The following PGBD5 variants were observed in gnomAD, a reference collection of about 807,000 sequenced individuals.
PGBD5 encodes piggyBac transposable element derived 5.
Under a neutral mutation model 47.9 loss-of-function variants are expected in PGBD5, and 14 were observed. The ratio of observed to expected loss-of-function variants is 0.29; its 90% confidence interval spans 0.19 to 0.46. PGBD5 has a LOEUF of 0.46. Ranked by LOEUF, PGBD5 falls within the 20% of genes least tolerant of loss-of-function variation. PGBD5 has a pLI of 1.00. For synonymous variants in PGBD5, 316 were observed against 306.3 expected (o/e 1.03, Z -0.33); for missense variants, 635 against 716.0 (o/e 0.89, Z 1.29).
At chr1:230,418,739 G>A (rs1003576572) in intron 1 of PGBD5, among the ~76,000 whole-genome samples, 4 of 152,126 alleles carry the variant, frequency 2.6e-5, no homozygotes, top group South Asian at 2.1e-4. Context: ...ATTCTCCCAC[G>A]TCAGCTCCCA....
chr1:230,349,371 G>T (rs781162318), intron 3 of PGBD5, among the ~76,000 whole-genome samples: 2 of 151,878 alleles, frequency 1.3e-5, no homozygotes, highest in Admixed American at 6.6e-5. Context: ...CTACCAAAAT[G>T]AAAATAAAAA....
At chr1:230,397,429 C>T (rs1477698369) in intron 1 of PGBD5, among the ~76,000 whole-genome samples, 1 of 152,194 alleles carries the variant, frequency 6.6e-6, no homozygotes, top group Non-Finnish European at 1.5e-5. Flanking sequence ...TCAAGATTTG[C>T]TCGTTTCCTT....
Position 230,323,114 on chromosome 1 carries a change from G to C in PGBD5, c.*311C>G. Reference sequence around the variant, plus strand: ...TCTACCACGGGGGCCTTCCTTCACAGTCACCAGTCCACGCTGCCTCGCAAG... The same window carrying C: ...TCTACCACGGGGGCCTTCCTTCACACTCACCAGTCCACGCTGCCTCGCAAG... On this transcript the variant is annotated 3_prime_UTR_variant, in exon 7 of 7. Transcript: ENST00000391860. This position sits in a 1 kb window ranked among gnomAD's most constrained non-coding sequence, Gnocchi z 4.1. 3.1e-6 allele frequency: 1 copy of C among 326,126 alleles called. No individual in the cohort carries two copies. The highest frequency in any genetic ancestry group is 5.3e-5 in the South Asian group (1 of 18,724). The allele number at this position is 326,126 out of a possible 1,614,324, so 20.2% of individuals were successfully genotyped here.
intron 1 of PGBD5, among the ~76,000 whole-genome samples, chr1:230,423,916 T>TG (rs1657715041): frequency 6.6e-6 from 1 of 152,220 alleles, no homozygotes; most frequent in African/African-American, 2.4e-5. Flanking sequence ...CTGCGGTGGC[T>TG]GGATTAAATG....
chr1:230,405,983 TA>T (rs1408244266), intron 1 of PGBD5, among the ~76,000 whole-genome samples: 2 of 152,208 alleles, frequency 1.3e-5, no homozygotes, highest in African/African-American at 4.8e-5. Context: ...CAACTCAGAC[TA>T]AAAATATGCT....
At chr1:230,359,371 C>T (rs563840934) in intron 1 of PGBD5, among the ~76,000 whole-genome samples, 170 of 152,220 alleles carry the variant, frequency 1.1e-3, no homozygotes, top group African/African-American at 3.9e-3. Context: ...GCCTGTGTAT[C>T]GATTGCTAAC....
At chr1:230,378,511 G>A (rs997799385) in intron 1 of PGBD5, among the ~76,000 whole-genome samples, 12 of 152,208 alleles carry the variant, frequency 7.9e-5, no homozygotes, top group African/African-American at 2.9e-4. Flanking sequence ...GGGAAGAAAT[G>A]ACATCAGTAG....
intron 6 of PGBD5, 107 bp downstream of exon 6, chr1:230,325,203 C>G: frequency 1.2e-6 from 1 of 857,112 alleles, no homozygotes; most frequent in Non-Finnish European, 1.9e-6. Flanking sequence ...GGGTCTTCAT[C>G]CTGCAGTTCT....
At chr1:230,413,017 T>C (rs1657445165) in intron 1 of PGBD5, among the ~76,000 whole-genome samples, 1 of 152,172 alleles carries the variant, frequency 6.6e-6, no homozygotes, top group Non-Finnish European at 1.5e-5. Context: ...ATTGTGACTT[T>C]AAGCAAAATA....
At chr1:230,391,877 C>T (rs1656792934) in intron 1 of PGBD5, among the ~76,000 whole-genome samples, 1 of 152,226 alleles carries the variant, frequency 6.6e-6, no homozygotes, top group African/African-American at 2.4e-5. Flanking sequence ...TTTCTTTCTT[C>T]CATGCTCAGC....
chr1:230,370,191 A>G (rs828437), intron 1 of PGBD5, among the ~76,000 whole-genome samples: 108,964 of 152,150 alleles, frequency 0.72, 39,439 homozygotes, highest in African/African-American at 0.74. Flanking sequence ...CAGTCAAGAC[A>G]GGGCAGGGCG....
chr1:230,397,747 G>C (rs530565888), intron 1 of PGBD5, among the ~76,000 whole-genome samples: 94 of 152,368 alleles, frequency 6.2e-4, no homozygotes, highest in Admixed American at 3.3e-3. Context: ...AGCGAAGTCA[G>C]ACCTCCTCAA....
chr1:230,385,725 T>A (rs564626888), intron 1 of PGBD5, among the ~76,000 whole-genome samples: 2 of 152,206 alleles, frequency 1.3e-5, no homozygotes, highest in Non-Finnish European at 2.9e-5. Context: ...TATTTTACAT[T>A]TAAAATATAA....
chr1:230,393,608 C>G (rs1656844029), intron 1 of PGBD5, among the ~76,000 whole-genome samples: 1 of 152,102 alleles, frequency 6.6e-6, no homozygotes, highest in Non-Finnish European at 1.5e-5. Flanking sequence ...GAGGCAGAGG[C>G]AGGCGGATTA....
chr1:230,425,005 C>G lies in PGBD5; in HGVS notation c.331+593G>C, dbSNP rs1436861942. Among the ~76,000 whole-genome samples, 2 of 152,176 alleles carry G rather than the reference C, an allele frequency of 1.3e-5. No homozygotes were observed. Among genetic ancestry groups the G allele is most frequent in the African/African-American group, 2.4e-5 (1 of 41,446 alleles). ...CTTAACGCTGCCCAATCGGTCCCTT[C>G]CTTCACTCCTCCCCATTCTTAACAA... On this transcript the variant is annotated intron_variant, in intron 1 of 6. Transcript: ENST00000391860. The surrounding 1 kb of genome is among the most constrained non-coding windows in gnomAD (Gnocchi z 4.7).
intron 1 of PGBD5, among the ~76,000 whole-genome samples, chr1:230,413,387 C>T (rs1047029274): frequency 6.6e-6 from 1 of 152,046 alleles, no homozygotes; most frequent in African/African-American, 2.4e-5. Flanking sequence ...GTAGTCCCAG[C>T]TACTCAGGAG....
intron 1 of PGBD5, among the ~76,000 whole-genome samples, chr1:230,389,487 A>T (rs948665782): frequency 6.6e-6 from 1 of 152,164 alleles, no homozygotes; most frequent in Non-Finnish European, 1.5e-5. Context: ...TTTTTCTTAT[A>T]AACATCAATG....
intron 1 of PGBD5, among the ~76,000 whole-genome samples, chr1:230,396,833 C>T (rs975527498): frequency 2.0e-5 from 3 of 152,154 alleles, no homozygotes; most frequent in South Asian, 2.1e-4. Context: ...GGCACCCTCC[C>T]CATGGGATTG....
chr1:230,355,526 T>C (rs1351002245), intron 2 of PGBD5, among the ~76,000 whole-genome samples: 1 of 152,198 alleles, frequency 6.6e-6, no homozygotes, highest in Non-Finnish European at 1.5e-5. Flanking sequence ...AGCAAGTATT[T>C]AGTGAAAGAA....
Sources: allele counts gnomAD v4.1 joint callset (sites outside exome capture counted in the v4.1 genomes callset), GRCh38; gene constraint gnomAD v4.1.1; non-coding constraint Gnocchi (gnomAD v3.1); transcripts MANE v1.5; gene names NCBI Gene and HGNC (gene_info 2026-07-23, HGNC 2026-07-21).